MCTP2: variants seen among roughly 807,000 people sequenced by gnomAD.
The protein encoded by MCTP2 is multiple C2 and transmembrane domain-containing protein 2.
In MCTP2, 132 loss-of-function variants were observed where a neutral mutation model predicts 111.6. That is an observed-to-expected ratio of 1.18 (90% confidence interval 1.03 to 1.37). MCTP2 has a LOEUF of 1.37. Ranked by LOEUF, MCTP2 falls within the 40% of genes most tolerant of loss-of-function variation. MCTP2 has a pLI of 0.00. For missense variants in MCTP2, 1,183 were observed against 1,067.9 expected, an observed-to-expected ratio of 1.11 and a Z score of -1.50; for synonymous variants, 395 against 387.7, an observed-to-expected ratio of 1.02 and a Z score of -0.22.
intron 2 of MCTP2, among the ~76,000 whole-genome samples, chr15:94,314,025 G>A (rs1359470745): frequency 6.6e-6 from 1 of 152,184 alleles, no homozygotes; most frequent in Non-Finnish European, 1.5e-5. Context: ...CTAAACATGT[G>A]GGTGAACTAG....
At chr15:94,415,720 G>A (rs980014768) in intron 17 of MCTP2, among the ~76,000 whole-genome samples, 7 of 151,506 alleles carry the variant, frequency 4.6e-5, no homozygotes, top group African/African-American at 1.5e-4. Flanking sequence ...CATTTAGGAC[G>A]TGATAACTTT....
At chr15:94,383,029 T>C (rs970300233) in intron 12 of MCTP2, among the ~76,000 whole-genome samples, 10 of 151,818 alleles carry the variant, frequency 6.6e-5, no homozygotes, top group African/African-American at 2.4e-4. Flanking sequence ...AGAGGAGAGG[T>C]GAGAAGTGAA....
intron 12 of MCTP2, among the ~76,000 whole-genome samples, chr15:94,377,143 G>A (rs1266626793): frequency 6.6e-6 from 1 of 152,122 alleles, no homozygotes; most frequent in East Asian, 1.9e-4. Context: ...ATAGTCTCAT[G>A]GTTATTGTTC....
At chr15:94,418,428 G>A (rs2082472641) in intron 17 of MCTP2, among the ~76,000 whole-genome samples, 1 of 152,018 alleles carries the variant, frequency 6.6e-6, no homozygotes, top group Non-Finnish European at 1.5e-5. Flanking sequence ...TTTGCTGATG[G>A]CTTTGAAAGA....
chr15:94,317,969 G>T (rs963599091), intron 4 of MCTP2, among the ~76,000 whole-genome samples: 15 of 151,756 alleles, frequency 9.9e-5, no homozygotes, highest in South Asian at 8.3e-4. Flanking sequence ...TTTTACAACT[G>T]CATCTCTTGT....
intron 17 of MCTP2, among the ~76,000 whole-genome samples, chr15:94,439,703 A>G (rs1018841224): frequency 1.3e-5 from 2 of 152,198 alleles, no homozygotes; most frequent in African/African-American, 4.8e-5. Flanking sequence ...TCTTGTGTCC[A>G]TATAGTCTCG....
intron 12 of MCTP2, among the ~76,000 whole-genome samples, chr15:94,381,306 G>T (rs955823811): frequency 6.6e-6 from 1 of 152,164 alleles, no homozygotes. Context: ...TAATGTCTTT[G>T]TTTCTTCTTG....
intron 14 of MCTP2, among the ~76,000 whole-genome samples, chr15:94,387,636 G>T (rs557192602): frequency 2.0e-4 from 31 of 152,296 alleles, no homozygotes; most frequent in African/African-American, 7.2e-4. Context: ...TGCTTTAGGT[G>T]ATAGAGCTCT....
Position 94,327,295 on chromosome 15 carries a change from A to C in MCTP2, c.637+11658A>C, listed in dbSNP as rs773804840. Among the ~76,000 whole-genome samples the C allele has an allele frequency of 5.1e-4, 77 of 152,188 alleles. 1 individual carries two copies. The highest frequency in any genetic ancestry group is 9.7e-4 in the Non-Finnish European group (66 of 68,036). ...AGAGTAGGAACTGAGTTTTACTTGA[A>C]CCAAATGGCTATCTATCTAACTAGG... On this transcript the variant is annotated intron_variant, in intron 4 of 22. Coordinates refer to ENST00000357742, the MANE Select transcript of MCTP2 (RefSeq NM_001385001.1).
At chr15:94,257,586 T>G (rs2072891761) in intron 1 of MCTP2, among the ~76,000 whole-genome samples, 2 of 100,306 alleles carry the variant, frequency 2.0e-5, no homozygotes, top group Admixed American at 1.0e-4. Flanking sequence ...TTTTTTTTTT[T>G]TTTTTTTTTT....
At chr15:94,358,254 C>G (rs1363269870) in intron 9 of MCTP2, among the ~76,000 whole-genome samples, 7 of 152,114 alleles carry the variant, frequency 4.6e-5, no homozygotes, top group Non-Finnish European at 2.9e-5. Flanking sequence ...CTCTTTGTAA[C>G]TTGGTGGATA....
rs2077529465 is a variant in MCTP2 at position 94,339,552 on chromosome 15, AATAAT to A, written c.780+124_780+128del. On this transcript the variant is annotated intron_variant, in intron 5 of 22. Transcript: ENST00000357742. The stretch of plus-strand genomic sequence containing the variant: ...TCTTTTATTAGGACAGATTAAAAAT[AATAAT>A]ATAGAAAAAATTCCTTATACTGTTT... The A allele has an allele frequency of 4.5e-6, 3 of 672,520 alleles. No individual in the cohort carries two copies. In the African/African-American group the frequency reaches 5.5e-5, roughly 12 times the overall value. 41.7% of individuals were successfully genotyped at this position (672,520 alleles called of 1,614,324 possible). A position where few individuals can be genotyped will look rare whatever the true frequency, so the allele number is the denominator to read the frequency against.
At chr15:94,349,536 G>A (rs1175130928) in intron 8 of MCTP2, among the ~76,000 whole-genome samples, 1 of 152,098 alleles carries the variant, frequency 6.6e-6, no homozygotes, top group South Asian at 2.1e-4. Flanking sequence ...TTGGACGCTG[G>A]TCTCTGTGTT....
chr15:94,312,320 G>A (rs1391977281), intron 2 of MCTP2, among the ~76,000 whole-genome samples: 1 of 152,196 alleles, frequency 6.6e-6, no homozygotes, highest in African/African-American at 2.4e-5. Flanking sequence ...TCTGATTATT[G>A]GCATAAAGTG....
intron 1 of MCTP2, among the ~76,000 whole-genome samples, chr15:94,293,899 A>G (rs2075140218): frequency 6.6e-6 from 1 of 152,238 alleles, no homozygotes; most frequent in African/African-American, 2.4e-5. Context: ...ATATTCGTAC[A>G]CAAAAAACCT....
At chr15:94,322,967 T>C (rs2076695803) in intron 4 of MCTP2, among the ~76,000 whole-genome samples, 1 of 152,200 alleles carries the variant, frequency 6.6e-6, no homozygotes, top group East Asian at 1.9e-4. Context: ...AGGTCTCAGA[T>C]ACCAGAGTTC....
At chr15:94,315,417 T>G in intron 3 of MCTP2, 112 bp from the exon 4 acceptor site, 1 of 694,632 alleles carries the variant, frequency 1.4e-6, no homozygotes, top group Non-Finnish European at 2.5e-6. Flanking sequence ...GGGATGACAG[T>G]CGATCATCAT....
At chr15:94,315,134 A>C (rs1027703552) in intron 3 of MCTP2, among the ~76,000 whole-genome samples, 14 of 152,116 alleles carry the variant, frequency 9.2e-5, no homozygotes, top group Non-Finnish European at 2.1e-4. Context: ...TGAACTTGGA[A>C]GCGGGGACAC....
chr15:94,306,302 G>T (rs75569297), intron 2 of MCTP2, among the ~76,000 whole-genome samples: 3,309 of 152,236 alleles, frequency 0.022, 62 homozygotes, highest in Non-Finnish European at 0.032. Flanking sequence ...AGTGCTTACT[G>T]CCATGATTTT....
Sources: allele counts gnomAD v4.1 joint callset (sites outside exome capture counted in the v4.1 genomes callset), GRCh38; gene constraint gnomAD v4.1.1; transcripts MANE v1.5; gene names NCBI Gene and HGNC (gene_info 2026-07-23, HGNC 2026-07-21).